Variants in NELL1 observed in about 807,000 individuals in gnomAD.
NELL1 encodes protein kinase C-binding protein NELL1.
In NELL1, 76 loss-of-function variants were observed where a neutral mutation model predicts 107.4. The ratio of observed to expected loss-of-function variants is 0.71; its 90% CI spans 0.59 to 0.86. NELL1 has a LOEUF of 0.86. NELL1 is among the 40% of genes least tolerant of loss of function. The probability of loss-of-function intolerance (pLI) is 0.00; values close to 1 mark genes in which losing one functional copy is unlikely to be tolerated. For synonymous variants in NELL1, 353 were observed against 341.2 expected (o/e 1.03, Z -0.38); for missense variants, 1,024 against 1,005.5 (o/e 1.02, Z -0.25).
intron 12 of NELL1, among the ~76,000 whole-genome samples, chr11:20,969,127 T>C (rs1851443486): frequency 6.6e-6 from 1 of 152,220 alleles, no homozygotes; most frequent in Non-Finnish European, 1.5e-5. Flanking sequence ...GCTTGCTCAC[T>C]TGGAGACCAG....
intron 14 of NELL1, among the ~76,000 whole-genome samples, chr11:21,259,343 T>C (rs2133920299): frequency 6.6e-6 from 1 of 151,976 alleles, no homozygotes; most frequent in Non-Finnish European, 1.5e-5. Flanking sequence ...AGGGAAGGCT[T>C]TAGAGAAGTG....
intron 4 of NELL1, among the ~76,000 whole-genome samples, chr11:20,849,045 A>G (rs1848750463): frequency 6.6e-6 from 1 of 152,148 alleles, no homozygotes; most frequent in African/African-American, 2.4e-5. Flanking sequence ...CTTAGCTGCT[A>G]TATCCATTTT....
chr11:21,009,137 C>G (rs758303779), intron 12 of NELL1, among the ~76,000 whole-genome samples: 13 of 152,080 alleles, frequency 8.5e-5, no homozygotes, highest in Non-Finnish European at 1.6e-4. Flanking sequence ...TTTCATGGGA[C>G]CCAAGGATGC....
chr11:20,748,371 C>T (rs1034576052), intron 2 of NELL1, among the ~76,000 whole-genome samples: 5 of 152,182 alleles, frequency 3.3e-5, no homozygotes, highest in Admixed American at 2.6e-4. Flanking sequence ...CTGCAAGTAA[C>T]TGCCAACACT....
chr11:20,884,512 T>C (rs1336569375), intron 4 of NELL1, among the ~76,000 whole-genome samples: 3 of 9,888 alleles, frequency 3.0e-4, no homozygotes, highest in Non-Finnish European at 5.6e-4. Flanking sequence ...TGAGAGGTAC[T>C]TGCCCGGGGT....
intron 2 of NELL1, among the ~76,000 whole-genome samples, chr11:20,735,313 A>G (rs571238824): frequency 6.6e-6 from 1 of 152,280 alleles, no homozygotes; most frequent in South Asian, 2.1e-4. Flanking sequence ...TTATAAAGGA[A>G]AGAGGTTTAA....
chr11:21,488,737 C>T (rs563919262), intron 15 of NELL1, among the ~76,000 whole-genome samples: 26 of 152,066 alleles, frequency 1.7e-4, no homozygotes, highest in Admixed American at 1.4e-3. Context: ...GCCTTTAAAA[C>T]GTGACAATGG....
At chr11:21,502,842 A>T (rs1855176757) in intron 15 of NELL1, among the ~76,000 whole-genome samples, 1 of 152,160 alleles carries the variant, frequency 6.6e-6, no homozygotes, top group Non-Finnish European at 1.5e-5. Flanking sequence ...TTTATAGAAT[A>T]ATAATTTCCT....
intron 14 of NELL1, among the ~76,000 whole-genome samples, chr11:21,360,059 AG>A (rs1321374545): frequency 9.9e-5 from 15 of 151,584 alleles, no homozygotes; most frequent in Admixed American, 9.2e-4. Context: ...TTGTTTCTCT[AG>A]TTCCTTGAAG....
chr11:21,426,538 G>A (rs1852826100), intron 15 of NELL1, among the ~76,000 whole-genome samples: 1 of 152,152 alleles, frequency 6.6e-6, no homozygotes, highest in African/African-American at 2.4e-5. Context: ...TCATATCTCT[G>A]CATAGGCACA....
intron 14 of NELL1, among the ~76,000 whole-genome samples, chr11:21,338,743 A>T (rs1340824545): frequency 1.3e-5 from 2 of 152,084 alleles, no homozygotes; most frequent in Non-Finnish European, 2.9e-5. Context: ...CTGCAGCAGG[A>T]CTTGGAAAGG....
In NELL1 at chr11:20,888,495, T is replaced by A. The variant is rs1276591342; in HGVS notation, c.603+2955T>A. Among the ~76,000 whole-genome samples, 3 of 151,778 alleles carry A rather than the reference T, an allele frequency of 2.0e-5. No individual in the cohort carries two copies. In the East Asian group the frequency reaches 5.8e-4, roughly 29 times the overall value. ...AGAATATATTATGTCTATATATGCA[T>A]ATATATTTGAAAATTCCAGATAGTA... On this transcript the variant is annotated intron_variant, in intron 5 of 19. Transcript: ENST00000357134.
chr11:21,130,517 T>C lies in NELL1; in HGVS notation c.1426+16803T>C, dbSNP rs185012262. On this transcript the variant is annotated intron_variant, in intron 13 of 19. Transcript: ENST00000357134. ...ATGTCCCATGTCTGATAACAAGGCC[T>C]CCACATCTAAATCTACAGGGTAAAC... 2.7e-3 allele frequency among the ~76,000 whole-genome samples: 414 copies of C among 152,312 alleles called. 2 individuals are homozygous for C. Among genetic ancestry groups the C allele is most frequent in the African/African-American group, 9.4e-3 (389 of 41,570 alleles).
intron 15 of NELL1, among the ~76,000 whole-genome samples, chr11:21,513,886 G>GC (rs1564933815): frequency 6.6e-6 from 1 of 152,170 alleles, no homozygotes; most frequent in Non-Finnish European, 1.5e-5. Context: ...TAGAGCCTGA[G>GC]CCCCCCTGGT....
intron 3 of NELL1, among the ~76,000 whole-genome samples, chr11:20,807,044 G>A (rs1204171865): frequency 7.3e-5 from 11 of 151,218 alleles, no homozygotes; most frequent in Admixed American, 7.3e-4. Flanking sequence ...GATCCTTGGT[G>A]CATTATTTAG....
chr11:21,213,097 T>A (rs1199607356), intron 13 of NELL1, among the ~76,000 whole-genome samples: 2 of 152,136 alleles, frequency 1.3e-5, no homozygotes, highest in Non-Finnish European at 2.9e-5. Flanking sequence ...GCACCTACTA[T>A]CATATATAAT....
chr11:21,547,561 AT>A (rs1426100392), intron 16 of NELL1, among the ~76,000 whole-genome samples: 7 of 151,936 alleles, frequency 4.6e-5, no homozygotes, highest in Non-Finnish European at 8.8e-5. Context: ...AGAAGTCACA[AT>A]TTTTAATATG....
At chr11:20,902,266 A>G (rs1849892296) in intron 5 of NELL1, among the ~76,000 whole-genome samples, 1 of 150,094 alleles carries the variant, frequency 6.7e-6, no homozygotes, top group South Asian at 2.1e-4. Context: ...CTGCAAATCA[A>G]TAAGAAACCT....
At chr11:21,169,629 T>C in intron 13 of NELL1, 1 of 380,120 alleles carries the variant, frequency 2.6e-6, no homozygotes, top group African/African-American at 2.1e-5. Flanking sequence ...CTTTCCCATA[T>C]TCTTTCTCTT....
Sources: gnomAD v4.1 joint callset for allele counts (sites outside exome capture counted in the v4.1 genomes callset) on GRCh38, gnomAD v4.1.1 for gene constraint, MANE v1.5 for transcripts, NCBI Gene and HGNC (gene_info 2026-07-23, HGNC 2026-07-21) for gene names.